The following EXTL3 variants were observed in gnomAD, a reference collection of about 807,000 sequenced individuals.
EXTL3 encodes exostosin like glycosyltransferase 3.
Under a neutral mutation model 69.3 loss-of-function variants are expected in EXTL3, and 27 were observed. That is an observed-to-expected ratio of 0.39 (90% CI 0.29 to 0.54). EXTL3 has a LOEUF of 0.54. Ranked by LOEUF, EXTL3 falls within the 20% of genes least tolerant of loss-of-function variation. The pLI is 0.69. For missense variants in EXTL3, 1,003 were observed against 1,231.8 expected (o/e 0.81, Z 2.78); for synonymous variants, 511 against 499.4 (o/e 1.02, Z -0.31).
chr8:28,645,984 T>C (rs1260784249), intron 1 of EXTL3, among the ~76,000 whole-genome samples: 1 of 152,114 alleles, frequency 6.6e-6, no homozygotes, highest in East Asian at 1.9e-4. Flanking sequence ...CACCTCAGAC[T>C]CCTGAGTAGC....
intron 1 of EXTL3, among the ~76,000 whole-genome samples, chr8:28,684,674 T>C (rs756031913): frequency 2.0e-5 from 3 of 152,178 alleles, no homozygotes; most frequent in Admixed American, 2.0e-4. Flanking sequence ...CCGAGGAATT[T>C]GAGGCTGCAG....
At chr8:28,650,169 C>T (rs936380280) in intron 1 of EXTL3, among the ~76,000 whole-genome samples, 24 of 141,610 alleles carry the variant, frequency 1.7e-4, no homozygotes, top group Admixed American at 5.1e-4. Flanking sequence ...GCACTCCAGC[C>T]GGGGTGACAG....
chr8:28,636,809 G>A (rs1057362458), intron 1 of EXTL3, among the ~76,000 whole-genome samples: 3 of 152,090 alleles, frequency 2.0e-5, no homozygotes, highest in Non-Finnish European at 4.4e-5. Flanking sequence ...TCAGGAATTC[G>A]AGACCAGCCT....
intron 1 of EXTL3, among the ~76,000 whole-genome samples, chr8:28,694,690 A>G (rs1380819612): frequency 6.6e-6 from 1 of 152,182 alleles, no homozygotes; most frequent in African/African-American, 2.4e-5. Flanking sequence ...GGGATGACAC[A>G]TGCAAAGTGC....
At chr8:28,747,300 G>A (rs1157055544) in intron 6 of EXTL3, among the ~76,000 whole-genome samples, 1 of 152,236 alleles carries the variant, frequency 6.6e-6, no homozygotes, top group Admixed American at 6.5e-5. Context: ...GAGAGCAGCA[G>A]TGAGTGAGGG....
At chr8:28,721,241 A>C (rs868063102) in intron 3 of EXTL3, among the ~76,000 whole-genome samples, 2 of 152,168 alleles carry the variant, frequency 1.3e-5, no homozygotes, top group Admixed American at 6.5e-5. Flanking sequence ...TCTCATGTTG[A>C]GTTCTTTTAT....
chr8:28,627,381 A>G (rs931649755), intron 1 of EXTL3, among the ~76,000 whole-genome samples: 1 of 151,532 alleles, frequency 6.6e-6, no homozygotes, highest in Non-Finnish European at 1.5e-5. Context: ...TGCCCAAACT[A>G]CTAGTTGGGG....
chr8:28,651,211 C>G (rs936691370), intron 1 of EXTL3, among the ~76,000 whole-genome samples: 1 of 152,118 alleles, frequency 6.6e-6, no homozygotes, highest in Admixed American at 6.6e-5. Context: ...CAATCTGTAC[C>G]TTTAAAAACA....
At chr8:28,629,606 A>T (rs995475882) in intron 1 of EXTL3, among the ~76,000 whole-genome samples, 4 of 151,986 alleles carry the variant, frequency 2.6e-5, no homozygotes, top group Non-Finnish European at 5.9e-5. Flanking sequence ...GGGAATAGGT[A>T]GAGTTGGAGG....
intron 4 of EXTL3, among the ~76,000 whole-genome samples, chr8:28,734,186 G>GA (rs936531574): frequency 3.6e-4 from 55 of 152,188 alleles, no homozygotes; most frequent in African/African-American, 1.3e-3. Flanking sequence ...CATTATCAGT[G>GA]ATTGGAGTTG....
chr8:28,747,913 TA>T (rs1476865314), intron 6 of EXTL3, among the ~76,000 whole-genome samples: 1 of 152,098 alleles, frequency 6.6e-6, no homozygotes, highest in African/African-American at 2.4e-5. Context: ...GTATTTTTAG[TA>T]GAAACAGGGT....
upstream of EXTL3, chr8:28,701,043 C>CA (rs1480812893): frequency 1.3e-5 from 2 of 152,296 alleles, no homozygotes; most frequent in Non-Finnish European, 2.9e-5. Flanking sequence ...ATGAAATAGT[C>CA]AAAGGGCTTC....
chr8:28,646,402 A>T (rs1806831793), intron 1 of EXTL3, among the ~76,000 whole-genome samples: 1 of 152,110 alleles, frequency 6.6e-6, no homozygotes. Context: ...GGTGACTTGG[A>T]TTTTGTTTAT....
At chr8:28,709,751 C>T (rs971454624) in intron 1 of EXTL3, among the ~76,000 whole-genome samples, 2 of 152,080 alleles carry the variant, frequency 1.3e-5, no homozygotes, top group East Asian at 1.9e-4. Flanking sequence ...AAAGCAAGGC[C>T]GTGAGTAATG....
chr8:28,733,405 T>C (rs1049110004), intron 4 of EXTL3, among the ~76,000 whole-genome samples: 7 of 151,294 alleles, frequency 4.6e-5, no homozygotes, highest in Non-Finnish European at 8.9e-5. Flanking sequence ...TGTGTATATA[T>C]ACACACACAC....
chr8:28,710,613 CTTTTT>C (rs11446791), intron 1 of EXTL3: 300 of 272,152 alleles, frequency 1.1e-3, no homozygotes, highest in Middle Eastern at 2.4e-3. Flanking sequence ...TTCTTTCTTT[CTTTTT>C]TTTTTTTTTT....
chr8:28,743,574 T>C (rs779816938), intron 6 of EXTL3, among the ~76,000 whole-genome samples: 14 of 152,256 alleles, frequency 9.2e-5, no homozygotes, highest in Non-Finnish European at 1.3e-4. Flanking sequence ...ATCACTGATA[T>C]CTTCATATCA....
intron 1 of EXTL3, among the ~76,000 whole-genome samples, chr8:28,624,330 G>C (rs1283737860): frequency 6.6e-6 from 1 of 152,184 alleles, no homozygotes; most frequent in East Asian, 1.9e-4. Flanking sequence ...TCCGGAGGCC[G>C]AGGTGGGAGG....
intron 1 of EXTL3, among the ~76,000 whole-genome samples, chr8:28,661,462 AT>A (rs1196606229): frequency 2.0e-5 from 3 of 152,120 alleles, no homozygotes; most frequent in Admixed American, 6.6e-5. Flanking sequence ...ATAATAAAAA[AT>A]ATCTAAATAC....
Sources: gnomAD v4.1 joint callset for allele counts (sites outside exome capture counted in the v4.1 genomes callset) on GRCh38, gnomAD v4.1.1 for gene constraint, MANE v1.5 for transcripts, NCBI Gene and HGNC (gene_info 2026-07-23, HGNC 2026-07-21) for gene names.